ATR: variants seen among roughly 807,000 people sequenced by gnomAD.
The protein encoded by ATR is ATR checkpoint kinase, also known as serine/threonine-protein kinase ATR.
A neutral mutation model predicts 305.3 loss-of-function variants in ATR; 142 were observed. The observed-to-expected ratio is 0.47, with a 90% confidence interval of 0.41 to 0.53. The LOEUF (loss-of-function observed/expected upper bound fraction) is 0.53, where lower values mean the gene tolerates loss of function less well. ATR is among the 20% of genes least tolerant of loss of function. ATR has a pLI of 0.00. For missense variants in ATR, 2,135 were observed against 3,133.1 expected (o/e 0.68, Z 7.60); for synonymous variants, 1,050 against 1,068.1 (o/e 0.98, Z 0.33).
intron 45 of ATR, among the ~76,000 whole-genome samples, chr3:142,455,554 A>C (rs925857613): frequency 2.0e-5 from 3 of 152,248 alleles, no homozygotes; most frequent in Admixed American, 2.0e-4. Flanking sequence ...TGTTAGCATA[A>C]GGTTAGGCAT....
chr3:142,538,166 C>T (rs1320251277), intron 19 of ATR, among the ~76,000 whole-genome samples: 1 of 152,138 alleles, frequency 6.6e-6, no homozygotes, highest in Non-Finnish European at 1.5e-5. Flanking sequence ...TCTCTCCTAA[C>T]CTTTCTCATG....
intron 21 of ATR, 66 bp from the exon 22 acceptor site, chr3:142,524,265 G>T: frequency 7.1e-7 from 1 of 1,413,780 alleles, no homozygotes; most frequent in Non-Finnish European, 9.8e-7. Context: ...TCCTGAGCTA[G>T]GAAGCTTAAA....
chr3:142,451,398 G>A (rs940484728), intron 46 of ATR: 2 of 1,454,918 alleles, frequency 1.4e-6, no homozygotes, highest in African/African-American at 2.9e-5. Flanking sequence ...TGTAAACAGA[G>A]ATCTGAAGCC....
intron 21 of ATR, among the ~76,000 whole-genome samples, chr3:142,526,647 A>G (rs1175870145): frequency 6.6e-6 from 1 of 152,098 alleles, no homozygotes; most frequent in African/African-American, 2.4e-5. Context: ...GTCAAAGTCT[A>G]TTCGGCATCT....
At chr3:142,533,505 C>T (rs991806804) in intron 21 of ATR, among the ~76,000 whole-genome samples, 2 of 152,142 alleles carry the variant, frequency 1.3e-5, no homozygotes, top group Non-Finnish European at 2.9e-5. Context: ...AACTTTAATG[C>T]TATCTTCTTG....
rs2108480364 is a variant in ATR, at chr3:142,559,405, C to T, written c.1578G>A (p.Lys526=). The change falls in exon 7 of 47, where the codon AAG becomes AAA. Residue 526 remains lysine, a synonymous_variant. Coordinates refer to ENST00000350721, the MANE Select transcript of ATR (RefSeq NM_001184.4). ...TFKDCQHKSK[K]KPSVVITWMS... ...TCCAAGTTATCACTACAGAAGGTTT[C>T]TTCTTGGATTTATGTTGACAGTCCT... The T allele has an allele frequency of 6.2e-7, 1 of 1,613,916 alleles. No individual in the cohort carries two copies. The highest frequency in any genetic ancestry group is 8.5e-7 in the Non-Finnish European group (1 of 1,179,938).
intron 36 of ATR, among the ~76,000 whole-genome samples, chr3:142,477,079 C>A (rs2029890326): frequency 6.6e-6 from 1 of 152,054 alleles, no homozygotes; most frequent in Non-Finnish European, 1.5e-5. Flanking sequence ...AGTTGAATGC[C>A]CTTTATTTCT....
chr3:142,505,531 T>C (rs2032192129), intron 28 of ATR, among the ~76,000 whole-genome samples: 1 of 152,192 alleles, frequency 6.6e-6, no homozygotes, highest in Admixed American at 6.5e-5. Flanking sequence ...TCTATATCAA[T>C]AGCTGTTATT....
chr3:142,496,916 T>C, intron 33 of ATR, 97 bp downstream of exon 33: 1 of 1,377,368 alleles, frequency 7.3e-7, no homozygotes, highest in Non-Finnish European at 1.0e-6. Flanking sequence ...AAAATGTAGA[T>C]TCAGACAGAA....
intron 30 of ATR, among the ~76,000 whole-genome samples, chr3:142,502,555 A>C (rs1471021248): frequency 6.6e-6 from 1 of 152,096 alleles, no homozygotes; most frequent in Non-Finnish European, 1.5e-5. Flanking sequence ...TGTATCCTAA[A>C]CCTCAGTATC....
chr3:142,554,764 A>G (rs1369849021), intron 10 of ATR, among the ~76,000 whole-genome samples: 1 of 151,966 alleles, frequency 6.6e-6, no homozygotes, highest in Non-Finnish European at 1.5e-5. Flanking sequence ...TCTACAAAAA[A>G]TTTAAAAATT....
chr3:142,452,189 C>T (rs572676850), intron 46 of ATR: 20 of 1,001,068 alleles, frequency 2.0e-5, no homozygotes, highest in East Asian at 1.1e-4. Flanking sequence ...TAGCCTTCCT[C>T]GAGCTATATC....
At chr3:142,575,087 C>T (rs557612801) in intron 1 of ATR, among the ~76,000 whole-genome samples, 2 of 152,270 alleles carry the variant, frequency 1.3e-5, no homozygotes, top group East Asian at 1.9e-4. Flanking sequence ...TTTCCCATCA[C>T]ACAATAAAAT....
chr3:142,522,698 A>G (rs1285550817), intron 23 of ATR, 30 bp downstream of exon 23: 1 of 1,522,480 alleles, frequency 6.6e-7, no homozygotes, highest in Non-Finnish European at 9.1e-7. Flanking sequence ...TAAACAATTT[A>G]AAGCCAGTAA....
In ATR at chr3:142,512,414, G is replaced by C. The variant is rs759372905; in HGVS notation, c.4698C>G (p.Thr1566=). 12 of 1,613,618 alleles carry C rather than the reference G, an allele frequency of 7.4e-6. No individual in the cohort carries two copies. Among genetic ancestry groups the C allele is most frequent in the Non-Finnish European group, 7.6e-6 (9 of 1,179,828 alleles). ...LKHDDQHTIN[T]QDIASDLCQL... ...GACACAGATCAGATGCAATGTCTTG[G>C]GTATTTATGGTATGCTGATCGTCAT... is the stretch of plus-strand genomic sequence containing the variant. The change falls in exon 27 of 47, where the codon ACC becomes ACG. Residue 1566 remains threonine (T), a synonymous_variant. Transcript: ENST00000350721.
At chr3:142,490,581 C>T (rs564161364) in intron 35 of ATR, among the ~76,000 whole-genome samples, 2 of 152,194 alleles carry the variant, frequency 1.3e-5, no homozygotes, top group South Asian at 2.1e-4. Flanking sequence ...CTTTGCCTAC[C>T]CTAAGGTTGT....
intron 30 of ATR, 176 bp from the exon 31 acceptor site, chr3:142,499,894 C>A: frequency 1.8e-6 from 1 of 550,404 alleles, no homozygotes; most frequent in Admixed American, 3.3e-5. Context: ...AAATTTTAAT[C>A]TTTCCATCCT....
rs1242953145 is a variant in ATR at position 142,562,281 on chromosome 3, T to C, written c.1121A>G (p.Asn374Ser). The change falls in exon 4 of 47, where the codon AAT becomes AGT. Residue 374 changes from asparagine (N) to serine (S), a missense_variant. Physicochemically the swap from Asn to Ser is conservative, Grantham distance 46. Transcript: ENST00000350721. The part of the protein sequence containing the change: ...ALQVRKVYVR[N>S]ICKALLDVLG... ...CACATCCAAAAGAGCTTTACAAATA[T>C]TTCTCACATAGACCTTCCTGACTTG... 1 of 1,614,144 alleles carries C rather than the reference T, an allele frequency of 6.2e-7. No individual in the cohort carries two copies. Among genetic ancestry groups the C allele is most frequent in the Non-Finnish European group, 8.5e-7 (1 of 1,179,992 alleles).
intron 35 of ATR, among the ~76,000 whole-genome samples, chr3:142,488,081 A>T (rs780572694): frequency 6.6e-6 from 1 of 152,286 alleles, no homozygotes; most frequent in African/African-American, 2.4e-5. Context: ...AGTTCAATCA[A>T]TGGAAGGTAG....
Sources: gnomAD v4.1 joint callset for allele counts (sites outside exome capture counted in the v4.1 genomes callset) on GRCh38, gnomAD v4.1.1 for gene constraint, MANE v1.5 for transcripts, NCBI Gene and HGNC (gene_info 2026-07-23, HGNC 2026-07-21) for gene names.